Variants in ELMO2 observed in about 807,000 individuals in gnomAD.
ELMO2 encodes the protein engulfment and cell motility protein 2.
A neutral mutation model predicts 96.2 loss-of-function variants in ELMO2; 37 were observed. The observed-to-expected ratio is 0.38, with a 90% CI of 0.30 to 0.51. ELMO2 has a LOEUF of 0.51. ELMO2 is among the 20% of genes least tolerant of loss of function. The probability of loss-of-function intolerance (pLI) is 0.88; values close to 1 mark genes in which losing one functional copy is unlikely to be tolerated. For synonymous variants in ELMO2, 315 were observed against 329.4 expected (o/e 0.96, Z 0.47); for missense variants, 561 against 912.6 (o/e 0.61, Z 4.96).
intron 11 of ELMO2, among the ~76,000 whole-genome samples, chr20:46,377,280 T>C (rs961971442): frequency 2.6e-5 from 4 of 152,252 alleles, no homozygotes; most frequent in Non-Finnish European, 4.4e-5. Context: ...ATTTCATATT[T>C]ATTACTTGTT....
chr20:46,386,784 T>C (rs929592845), intron 8 of ELMO2, among the ~76,000 whole-genome samples: 5 of 152,210 alleles, frequency 3.3e-5, no homozygotes, highest in African/African-American at 9.7e-5. Flanking sequence ...AAGCCAATGA[T>C]AGCTGAAGTT....
chr20:46,396,914 A>T (rs1422465962), intron 2 of ELMO2, among the ~76,000 whole-genome samples: 2 of 152,224 alleles, frequency 1.3e-5, no homozygotes, highest in Non-Finnish European at 2.9e-5. Flanking sequence ...AGTGGAATTT[A>T]AAAAATCCAA....
intron 11 of ELMO2, among the ~76,000 whole-genome samples, chr20:46,379,470 CAT>C (rs1377572292): frequency 2.0e-5 from 3 of 152,196 alleles, no homozygotes; most frequent in East Asian, 1.9e-4. Context: ...TTAGCAAACA[CAT>C]GTCTTTCATG....
intron 10 of ELMO2, 146 bp from the exon 11 acceptor site, chr20:46,380,449 A>G (rs1269331990): frequency 4.4e-6 from 3 of 674,486 alleles, no homozygotes; most frequent in Admixed American, 2.3e-5. Flanking sequence ...TGAATGAACG[A>G]AAATCCACTG....
chr20:46,382,176 G>A (rs763493519), intron 10 of ELMO2: 115 of 1,289,472 alleles, frequency 8.9e-5, no homozygotes, highest in Admixed American at 7.1e-4. Flanking sequence ...GCAAGAGCTG[G>A]GGCCCTTTCC....
chr20:46,376,937 CT>C, intron 11 of ELMO2: 1 of 624,026 alleles, frequency 1.6e-6, no homozygotes, highest in Non-Finnish European at 2.4e-6. Flanking sequence ...ATTTTAAGTG[CT>C]TAGTAGTCAC....
At chr20:46,405,388 G>T (rs927078096) in intron 1 of ELMO2, among the ~76,000 whole-genome samples, 27 of 152,240 alleles carry the variant, frequency 1.8e-4, no homozygotes, top group East Asian at 3.9e-4. Flanking sequence ...TAAATAAAAG[G>T]CCCCAAGGAA....
chr20:46,401,230 C>T (rs1460428147), intron 1 of ELMO2, among the ~76,000 whole-genome samples: 1 of 152,156 alleles, frequency 6.6e-6, no homozygotes, highest in Admixed American at 6.5e-5. Context: ...GATTCAACTT[C>T]CCTTAGTTCA....
In ELMO2 at chr20:46,366,757, T is replaced by C. The variant is rs1009487235; in HGVS notation, c.*603A>G. 5 of 152,670 alleles carry C rather than the reference T, an allele frequency of 3.3e-5. No individual in the cohort carries two copies. Among genetic ancestry groups the C allele is most frequent in the African/African-American group, 9.7e-5 (4 of 41,440 alleles). The allele number at this position is 152,670 out of a possible 1,614,324, so 9.5% of individuals were successfully genotyped here. On this transcript the variant is annotated 3_prime_UTR_variant, in exon 22 of 22. Coordinates refer to ENST00000290246, the MANE Select transcript of ELMO2 (RefSeq NM_133171.5). ...GGAGAAATTTCCGTCTGCTCTGATA[T>C]CTGTATGGGCCAGAGAGATCTGGTG...
intron 1 of ELMO2, among the ~76,000 whole-genome samples, chr20:46,399,137 G>C (rs1439005749): frequency 1.3e-5 from 2 of 152,178 alleles, no homozygotes; most frequent in Non-Finnish European, 2.9e-5. Context: ...GGTGTTGCTG[G>C]AAAGCCATGA....
chr20:46,368,794 C>T, intron 21 of ELMO2, 97 bp downstream of exon 21: 2 of 1,309,956 alleles, frequency 1.5e-6, no homozygotes, highest in African/African-American at 1.5e-5. Flanking sequence ...ACTGCAGCCA[C>T]CCACCACAGG....
At chr20:46,370,560 A>G (rs901332301) in intron 19 of ELMO2, 35 bp from the exon 20 acceptor site, 60 of 1,602,074 alleles carry the variant, frequency 3.7e-5, no homozygotes, top group Middle Eastern at 1.6e-4. Flanking sequence ...CTGGAAGTTC[A>G]TGCTGCAAGC....
In ELMO2 at chr20:46,387,447, G is replaced by A. The variant is rs776499360; in HGVS notation, c.426-10C>T. ...CAGCATCTCACTGTAGCTGAGACAC[G>A]TGCAACACACACACAAAATAGACAA... is the stretch of plus-strand genomic sequence containing the variant. On this transcript the variant is annotated splice_polypyrimidine_tract_variant and intron_variant, in intron 7 of 21. Transcript: ENST00000290246. The A allele has an allele frequency of 1.8e-5, 29 of 1,604,466 alleles. 1 individual carries two copies. The highest frequency in any genetic ancestry group is 8.9e-5 in the East Asian group (4 of 44,848).
intron 7 of ELMO2, among the ~76,000 whole-genome samples, chr20:46,388,661 T>G (rs2060093274): frequency 6.6e-6 from 1 of 151,900 alleles, no homozygotes; most frequent in Non-Finnish European, 1.5e-5. Flanking sequence ...AGGGGATGAT[T>G]ACAAACAGAC....
intron 10 of ELMO2, chr20:46,382,223 G>C: frequency 7.8e-7 from 1 of 1,289,850 alleles, no homozygotes; most frequent in South Asian, 1.2e-5. Flanking sequence ...GGCAGGTCTA[G>C]AGGATTAAGG....
chr20:46,384,505 C>T (rs2060008325), intron 9 of ELMO2, among the ~76,000 whole-genome samples: 1 of 151,906 alleles, frequency 6.6e-6, no homozygotes, highest in South Asian at 2.1e-4. Flanking sequence ...GCCATGTTCC[C>T]CTATCATCCC....
intron 1 of ELMO2, among the ~76,000 whole-genome samples, chr20:46,399,681 C>T (rs188186049): frequency 9.8e-5 from 15 of 152,354 alleles, no homozygotes; most frequent in Admixed American, 2.6e-4. Context: ...TAACCTAGCA[C>T]AGCACTTGGT....
At chr20:46,389,365 T>C (rs1163594312) in intron 6 of ELMO2, 145 bp from the exon 7 acceptor site, 1 of 785,544 alleles carries the variant, frequency 1.3e-6, no homozygotes, top group African/African-American at 1.7e-5. Flanking sequence ...GCTAAATAAA[T>C]GTTTGTGGAA....
chr20:46,392,039 G>A (rs1182387817), intron 6 of ELMO2, among the ~76,000 whole-genome samples: 2 of 152,116 alleles, frequency 1.3e-5, no homozygotes, highest in Non-Finnish European at 2.9e-5. Flanking sequence ...GTGGCCACCT[G>A]GCCTCCCCAC....
Sources: gnomAD v4.1 joint callset for allele counts (sites outside exome capture counted in the v4.1 genomes callset) on GRCh38, gnomAD v4.1.1 for gene constraint, MANE v1.5 for transcripts, NCBI Gene and HGNC (gene_info 2026-07-23, HGNC 2026-07-21) for gene names.